KBTBD12: variants seen among roughly 807,000 people sequenced by gnomAD.
The protein encoded by KBTBD12 is kelch repeat and BTB domain containing 12.
Under a neutral mutation model 58.7 loss-of-function variants are expected in KBTBD12, and 53 were observed. The ratio of observed to expected loss-of-function variants is 0.90; its 90% CI spans 0.72 to 1.14. The LOEUF is 1.14. Ranked by LOEUF, KBTBD12 falls within the 50% of genes most tolerant of loss-of-function variation. The pLI, the probability that KBTBD12 is intolerant of heterozygous loss-of-function variation, is 0.00. For synonymous variants in KBTBD12, 236 were observed against 259.8 expected (o/e 0.91, Z 0.88); for missense variants, 704 against 751.3 (o/e 0.94, Z 0.74).
chr3:127,952,222 T>C (rs886773405), intron 4 of KBTBD12, among the ~76,000 whole-genome samples: 5 of 152,232 alleles, frequency 3.3e-5, no homozygotes, highest in Middle Eastern at 3.2e-3. Flanking sequence ...ATTACACAAA[T>C]ATTGTGACTA....
intron 1 of KBTBD12, among the ~76,000 whole-genome samples, chr3:127,916,705 CAAA>C (rs1191368373): frequency 1.3e-5 from 1 of 78,070 alleles, no homozygotes. Flanking sequence ...AAACAAAAAG[CAAA>C]AAAAAAAAAA....
intron 5 of KBTBD12, among the ~76,000 whole-genome samples, chr3:127,974,085 T>G (rs1451105153): frequency 6.6e-6 from 1 of 152,242 alleles, no homozygotes; most frequent in East Asian, 1.9e-4. Flanking sequence ...AACATTTCTA[T>G]TTCCACAAGG....
chr3:127,962,211 T>G (rs1940455440), intron 4 of KBTBD12, among the ~76,000 whole-genome samples: 1 of 152,218 alleles, frequency 6.6e-6, no homozygotes, highest in African/African-American at 2.4e-5. Context: ...GGGGTTTACC[T>G]CAGTCTCAGG....
At chr3:127,982,182 A>T (rs997108480) in intron 5 of KBTBD12, among the ~76,000 whole-genome samples, 17 of 152,212 alleles carry the variant, frequency 1.1e-4, no homozygotes, top group Non-Finnish European at 2.2e-4. Flanking sequence ...AGGTGAAAAG[A>T]AAGGAGAGTC....
At chr3:127,951,461 G>T (rs1940201717) in intron 4 of KBTBD12, among the ~76,000 whole-genome samples, 3 of 152,180 alleles carry the variant, frequency 2.0e-5, no homozygotes, top group Admixed American at 6.5e-5. Flanking sequence ...AGGACTCAGT[G>T]GAGTGAGTCA....
At chr3:127,930,499 C>T (rs1939677149) in intron 4 of KBTBD12, among the ~76,000 whole-genome samples, 1 of 152,144 alleles carries the variant, frequency 6.6e-6, no homozygotes, top group Non-Finnish European at 1.5e-5. Context: ...ATTTTTATGG[C>T]ATTTACAAGT....
chr3:127,950,527 T>A (rs1940180738), intron 4 of KBTBD12, among the ~76,000 whole-genome samples: 1 of 152,216 alleles, frequency 6.6e-6, no homozygotes, highest in South Asian at 2.1e-4. Flanking sequence ...GAATTTTTTT[T>A]ATCATACTGT....
At chr3:127,963,427 G>A (rs1252952242) in intron 5 of KBTBD12, 41 bp downstream of exon 5, 1 of 1,509,282 alleles carries the variant, frequency 6.6e-7, no homozygotes, top group Admixed American at 2.1e-5. Context: ...CTCCTTTGGT[G>A]TTGATTTGAC....
chr3:127,964,147 G>C (rs771359784), intron 5 of KBTBD12, among the ~76,000 whole-genome samples: 7 of 152,084 alleles, frequency 4.6e-5, no homozygotes, highest in Non-Finnish European at 4.4e-5. Context: ...GCAGAATGCA[G>C]TTATATTAAA....
intron 4 of KBTBD12, among the ~76,000 whole-genome samples, chr3:127,944,148 A>G (rs1349652110): frequency 6.6e-6 from 1 of 152,126 alleles, no homozygotes; most frequent in Admixed American, 6.5e-5. Flanking sequence ...TTTTCTCAAG[A>G]TTACTTCAGC....
intron 5 of KBTBD12, among the ~76,000 whole-genome samples, chr3:127,982,774 TCTCC>T (rs1414133526): frequency 6.6e-6 from 1 of 152,196 alleles, no homozygotes; most frequent in Non-Finnish European, 1.5e-5. Context: ...TCCAGTGCTC[TCTCC>T]CTCCCTCGCC....
chr3:127,916,163 C>CAAAGA (rs60190516), intron 1 of KBTBD12, among the ~76,000 whole-genome samples: 8,620 of 152,140 alleles, frequency 0.057, 278 homozygotes, highest in East Asian at 0.096. Context: ...GTGAACTCGG[C>CAAAGA]AAAGAAAAGA....
At chr3:127,950,194 GC>G (rs1240628868) in intron 4 of KBTBD12, among the ~76,000 whole-genome samples, 1 of 152,120 alleles carries the variant, frequency 6.6e-6, no homozygotes. Flanking sequence ...ATGCCTTTGA[GC>G]TACAAAAGAT....
intron 1 of KBTBD12, among the ~76,000 whole-genome samples, chr3:127,918,638 G>A (rs564459905): frequency 6.6e-6 from 1 of 151,992 alleles, no homozygotes; most frequent in African/African-American, 2.4e-5. Flanking sequence ...CGTGAACCCA[G>A]GAGGCTGAGC....
chr3:127,939,249 G>A (rs1447063392), intron 4 of KBTBD12, among the ~76,000 whole-genome samples: 1 of 152,154 alleles, frequency 6.6e-6, no homozygotes, highest in Non-Finnish European at 1.5e-5. Context: ...AGAGGGTGTG[G>A]TCAACCCACG....
chr3:127,965,545 T>A (rs1940546965), intron 5 of KBTBD12, among the ~76,000 whole-genome samples: 3 of 152,242 alleles, frequency 2.0e-5, no homozygotes, highest in Admixed American at 6.5e-5. Context: ...ACTTGTCTCA[T>A]TTATTTTTTC....
chr3:127,970,953 C>T (rs933861862), intron 5 of KBTBD12, among the ~76,000 whole-genome samples: 1 of 152,140 alleles, frequency 6.6e-6, no homozygotes, highest in Non-Finnish European at 1.5e-5. Flanking sequence ...AACTATACCT[C>T]AATAAAGCTG....
intron 5 of KBTBD12, among the ~76,000 whole-genome samples, chr3:127,981,755 C>T (rs1940876521): frequency 1.3e-5 from 2 of 152,164 alleles, no homozygotes; most frequent in African/African-American, 4.8e-5. Context: ...TCCTGGCCAA[C>T]ATGGTGAAAC....
At chr3:127,926,871 A>C (rs1286296735) in intron 2 of KBTBD12, among the ~76,000 whole-genome samples, 9 of 151,798 alleles carry the variant, frequency 5.9e-5, no homozygotes. Flanking sequence ...GGGACATTTA[A>C]TTTCACATAT....
Sources: allele counts gnomAD v4.1 joint callset (sites outside exome capture counted in the v4.1 genomes callset), GRCh38; gene constraint gnomAD v4.1.1; transcripts MANE v1.5; gene names NCBI Gene and HGNC (gene_info 2026-07-23, HGNC 2026-07-21).